STAG1: variants seen among roughly 807,000 people sequenced by gnomAD.
STAG1 encodes the protein STAG1 cohesin complex component.
A neutral mutation model predicts 170.9 loss-of-function variants in STAG1; 26 were observed. The ratio of observed to expected loss-of-function variants is 0.15; its 90% CI spans 0.11 to 0.21. STAG1 has a LOEUF of 0.21. Among genes scored for constraint, STAG1 ranks in the 10% least tolerant of loss-of-function variants. The pLI is 1.00. For missense variants in STAG1, 964 were observed against 1,509.5 expected, an observed-to-expected ratio of 0.64 and a Z score of 5.99; for synonymous variants, 514 against 497.7, an observed-to-expected ratio of 1.03 and a Z score of -0.44.
intron 4 of STAG1, among the ~76,000 whole-genome samples, chr3:136,600,698 A>AT (rs936761517): frequency 5.0e-4 from 75 of 149,888 alleles, no homozygotes; most frequent in Non-Finnish European, 8.2e-4. Context: ...TGCCCAGCTA[A>AT]TTTTTTTTTT....
intron 12 of STAG1, among the ~76,000 whole-genome samples, chr3:136,468,939 C>T (rs539420220): frequency 1.4e-4 from 22 of 152,222 alleles, no homozygotes; most frequent in African/African-American, 5.1e-4. Flanking sequence ...TTCAACAACG[C>T]TTCATGCTAA....
At position 136,419,756 on chromosome 3, in the gene STAG1, C is replaced by T. The variant is rs540424308; in HGVS notation, c.2108+1337G>A. 1.1e-3 allele frequency among the ~76,000 whole-genome samples: 161 copies of T among 151,878 alleles called. 1 individual carries two copies. The highest frequency in any genetic ancestry group is 6.2e-4 in the Non-Finnish European group (42 of 67,970). On this transcript the variant is annotated intron_variant, in intron 20 of 33. Coordinates refer to ENST00000383202, the MANE Select transcript of STAG1 (RefSeq NM_005862.3). ...GAGATTACAGGCATAAGCCACCATG[C>T]CTGGTCCCAAATCTTATTTCTTACT... is the stretch of plus-strand genomic sequence containing the variant.
At chr3:136,453,346 C>G (rs1351373366) in intron 13 of STAG1, among the ~76,000 whole-genome samples, 1 of 152,094 alleles carries the variant, frequency 6.6e-6, no homozygotes, top group Admixed American at 6.6e-5. Flanking sequence ...AATCCCAGCT[C>G]TTTGGGAGGC....
intron 7 of STAG1, chr3:136,518,561 C>T (rs1314830468): frequency 1.7e-6 from 1 of 585,788 alleles, no homozygotes. Flanking sequence ...CTCAGCAAGC[C>T]CTCTGTGCTT....
At chr3:136,540,992 G>A (rs577054568) in intron 6 of STAG1, among the ~76,000 whole-genome samples, 2 of 151,894 alleles carry the variant, frequency 1.3e-5, no homozygotes, top group Admixed American at 1.3e-4. Flanking sequence ...CATACGTGAA[G>A]AGTTTTACTA....
chr3:136,575,185 G>T (rs1309388265), intron 4 of STAG1, among the ~76,000 whole-genome samples: 1 of 152,122 alleles, frequency 6.6e-6, no homozygotes, highest in African/African-American at 2.4e-5. Flanking sequence ...ATAAAGAAGG[G>T]TTTAAATCAA....
At chr3:136,455,947 G>C (rs1268302180) in intron 13 of STAG1, among the ~76,000 whole-genome samples, 1 of 152,144 alleles carries the variant, frequency 6.6e-6, no homozygotes, top group African/African-American at 2.4e-5. Flanking sequence ...CTTGGTTCTG[G>C]AATACTGTTT....
intron 14 of STAG1, among the ~76,000 whole-genome samples, chr3:136,445,584 G>A (rs1038676810): frequency 5.3e-5 from 8 of 152,176 alleles, no homozygotes; most frequent in Non-Finnish European, 7.3e-5. Context: ...CCAATGAACT[G>A]TATACTTAAC....
chr3:136,408,934 T>G (rs2087554932), intron 21 of STAG1, among the ~76,000 whole-genome samples: 1 of 152,164 alleles, frequency 6.6e-6, no homozygotes, highest in Admixed American at 6.5e-5. Flanking sequence ...TGTAGTCTTC[T>G]AAGAATAGCA....
intron 7 of STAG1, among the ~76,000 whole-genome samples, chr3:136,505,551 A>G (rs1228686596): frequency 2.6e-5 from 4 of 152,244 alleles, no homozygotes; most frequent in African/African-American, 9.6e-5. Context: ...CAGATTCGTA[A>G]TTAAAAACTA....
chr3:136,716,646 C>CT (rs1277616834), intron 1 of STAG1, among the ~76,000 whole-genome samples: 6 of 152,084 alleles, frequency 3.9e-5, no homozygotes, highest in Non-Finnish European at 7.4e-5. Flanking sequence ...GACCCTGTCT[C>CT]TTTAAAAAGA....
chr3:136,470,624 T>C (rs546675376), intron 12 of STAG1, among the ~76,000 whole-genome samples: 115 of 152,330 alleles, frequency 7.5e-4, no homozygotes, highest in Non-Finnish European at 1.3e-3. Context: ...GACCCAGCCA[T>C]CCCATTACTG....
intron 1 of STAG1, among the ~76,000 whole-genome samples, chr3:136,733,771 C>G (rs1934173567): frequency 6.6e-6 from 1 of 152,160 alleles, no homozygotes; most frequent in Non-Finnish European, 1.5e-5. Context: ...TAGAACACAG[C>G]CTAAAATGTT....
chr3:136,406,087 A>G (rs9880532), intron 21 of STAG1, among the ~76,000 whole-genome samples: 1 of 152,212 alleles, frequency 6.6e-6, no homozygotes, highest in Non-Finnish European at 1.5e-5. Flanking sequence ...AAATTTGCAT[A>G]CAAATGTTCA....
At chr3:136,423,437 A>T (rs2088018551) in intron 16 of STAG1, among the ~76,000 whole-genome samples, 1 of 152,210 alleles carries the variant, frequency 6.6e-6, no homozygotes, top group Non-Finnish European at 1.5e-5. Flanking sequence ...AACAGAAGCT[A>T]ACACATTCTC....
chr3:136,340,548 G>C lies in STAG1; in HGVS notation c.3615C>G (p.Ser1205=). The part of the protein sequence containing the change: ...EPIFEDVMMS[S]RSQLEDMNEE... The stretch of plus-strand genomic sequence containing the variant: ...CATTCATATCTTCTAACTGGCTTCG[G>C]GATGACATCATCACATCTTCAAAGA... Residue 1205 remains serine, a synonymous_variant, in exon 32 of 34, where the codon TCC becomes TCG. Transcript: ENST00000383202. 6.2e-7 allele frequency: 1 copy of C among 1,613,944 alleles called. No individual in the cohort carries two copies.
At chr3:136,364,587 G>A (rs138435723) in intron 25 of STAG1, among the ~76,000 whole-genome samples, 3 of 152,200 alleles carry the variant, frequency 2.0e-5, no homozygotes, top group East Asian at 3.9e-4. Flanking sequence ...TCTCATCCCT[G>A]TAACCCCCCC....
At chr3:136,585,487 C>G (rs781198762) in intron 4 of STAG1, among the ~76,000 whole-genome samples, 18 of 151,812 alleles carry the variant, frequency 1.2e-4, no homozygotes, top group Non-Finnish European at 2.1e-4. Context: ...GGCATGGTGG[C>G]CTGTAATCTC....
intron 6 of STAG1, among the ~76,000 whole-genome samples, chr3:136,531,152 T>C (rs533382793): frequency 6.6e-6 from 1 of 151,432 alleles, no homozygotes; most frequent in East Asian, 1.9e-4. Flanking sequence ...AAAAAACACA[T>C]GAAAAAATGC....
Sources: allele counts gnomAD v4.1 joint callset (sites outside exome capture counted in the v4.1 genomes callset), GRCh38; gene constraint gnomAD v4.1.1; transcripts MANE v1.5; gene names NCBI Gene and HGNC (gene_info 2026-07-23, HGNC 2026-07-21).